The following PDE4D variants were observed in gnomAD, a reference collection of about 807,000 sequenced individuals.
PDE4D encodes 3',5'-cyclic-AMP phosphodiesterase 4D.
A neutral mutation model predicts 87.4 loss-of-function variants in PDE4D; 24 were observed. The observed-to-expected ratio is 0.27, with a 90% confidence interval of 0.20 to 0.39. The LOEUF (loss-of-function observed/expected upper bound fraction) is 0.39. Ranked by LOEUF, PDE4D falls within the 10% of genes least tolerant of loss-of-function variation. PDE4D has a pLI of 1.00. For missense variants in PDE4D, 714 were observed against 1,041.0 expected, an observed-to-expected ratio of 0.69 and a Z score of 4.32; for synonymous variants, 384 against 383.2, an observed-to-expected ratio of 1.00 and a Z score of -0.02.
intron 1 of PDE4D, among the ~76,000 whole-genome samples, chr5:59,339,528 C>T (rs141957561): frequency 2.8e-4 from 42 of 152,220 alleles, no homozygotes; most frequent in African/African-American, 9.4e-4. Context: ...ATTCTCAGTG[C>T]CTTTAATATG....
chr5:59,886,737 C>A (rs1750214943), intron 1 of PDE4D, among the ~76,000 whole-genome samples: 1 of 151,836 alleles, frequency 6.6e-6, no homozygotes, highest in African/African-American at 2.4e-5. Context: ...CAGACCACGG[C>A]CAGAATTTAA....
intron 1 of PDE4D, among the ~76,000 whole-genome samples, chr5:59,887,720 AGTGTGTGTGTGTGTGTGTTT>A (rs1359796574): frequency 1.3e-5 from 2 of 150,772 alleles, no homozygotes; most frequent in Non-Finnish European, 3.0e-5. Flanking sequence ...GCAAGCCATC[AGTGTGTGTGTGTGTGTGTTT>A]GTGTGTGTGT....
chr5:60,512,142 A>G (rs1420258315), intron 1 of PDE4D, among the ~76,000 whole-genome samples: 2 of 152,226 alleles, frequency 1.3e-5, no homozygotes, highest in African/African-American at 4.8e-5. Context: ...ACAAATGAGA[A>G]AGATATAAAA....
intron 1 of PDE4D, among the ~76,000 whole-genome samples, chr5:59,834,702 G>GA: frequency 6.6e-6 from 1 of 152,020 alleles, no homozygotes. Context: ...TAAGGCTTGT[G>GA]AAAATCAAAT....
intron 1 of PDE4D, among the ~76,000 whole-genome samples, chr5:59,634,669 A>C (rs1010560097): frequency 6.6e-6 from 1 of 152,234 alleles, no homozygotes; most frequent in Admixed American, 6.5e-5. Context: ...GCAGAAATAA[A>C]TAAGTTCTTT....
intron 2 of PDE4D, among the ~76,000 whole-genome samples, chr5:60,019,535 T>C (rs1488653724): frequency 6.6e-6 from 1 of 152,230 alleles, no homozygotes; most frequent in Non-Finnish European, 1.5e-5. Flanking sequence ...CTGGGTAACT[T>C]GATGCAGCTT....
At chr5:60,363,188 GA>G (rs1760226521) in intron 1 of PDE4D, among the ~76,000 whole-genome samples, 1 of 152,166 alleles carries the variant, frequency 6.6e-6, no homozygotes, top group South Asian at 2.1e-4. Context: ...GTAAAGCTTT[GA>G]GTGTGTATGA....
intron 1 of PDE4D, among the ~76,000 whole-genome samples, chr5:59,719,921 T>A (rs1755586076): frequency 6.6e-6 from 1 of 152,192 alleles, no homozygotes; most frequent in African/African-American, 2.4e-5. Context: ...ATTCAAACTC[T>A]GCTATTTCTC....
At chr5:60,229,677 T>C (rs972676861) in intron 1 of PDE4D, among the ~76,000 whole-genome samples, 3 of 152,114 alleles carry the variant, frequency 2.0e-5, no homozygotes, top group Admixed American at 1.3e-4. Flanking sequence ...ACAACTGATA[T>C]GTTCATGTCC....
intron 1 of PDE4D, among the ~76,000 whole-genome samples, chr5:59,432,833 A>G (rs1796298009): frequency 6.6e-6 from 1 of 152,186 alleles, no homozygotes; most frequent in Admixed American, 6.6e-5. Flanking sequence ...AGAACACTCA[A>G]TGCAAAGTTA....
intron 1 of PDE4D, among the ~76,000 whole-genome samples, chr5:59,244,543 CACACATATATGTATACGTGT>C (rs1415336099): frequency 6.7e-6 from 1 of 149,158 alleles, no homozygotes; most frequent in Non-Finnish European, 1.5e-5. Flanking sequence ...TCTCTATATA[CACACATATATGTATACGTGT>C]ACACACATAT....
chr5:59,237,666 T>C (rs1012233823), intron 1 of PDE4D, among the ~76,000 whole-genome samples: 1 of 152,194 alleles, frequency 6.6e-6, no homozygotes, highest in Non-Finnish European at 1.5e-5. Context: ...CTCTGGTCTA[T>C]GCTTGCATCT....
At chr5:60,024,722 G>A (rs1404631451) in intron 2 of PDE4D, among the ~76,000 whole-genome samples, 1 of 152,112 alleles carries the variant, frequency 6.6e-6, no homozygotes, top group African/African-American at 2.4e-5. Context: ...AATCACGGTG[G>A]AGATACAAAA....
Position 60,486,820 on chromosome 5 carries a change from A to G in PDE4D, c.-90+1122T>C, listed in dbSNP as rs1159896330. 3.9e-5 allele frequency among the ~76,000 whole-genome samples: 6 copies of G among 152,236 alleles called. No individual in the cohort carries two copies. The East Asian group carries it at 1.2e-3, about 29-fold the overall frequency. On this transcript the variant is annotated intron_variant, in intron 1 of 16. Transcript: ENST00000502484. The stretch of plus-strand genomic sequence containing the variant: ...ACATAGCACAAATACATACATTTGT[A>G]TCTACAGGTCTAAAGAGGAAAAATT...
chr5:60,454,814 A>T (rs1255993095), intron 1 of PDE4D, among the ~76,000 whole-genome samples: 1 of 152,132 alleles, frequency 6.6e-6, no homozygotes, highest in African/African-American at 2.4e-5. Flanking sequence ...AGTAAAATAA[A>T]ATTTAAAAAT....
chr5:60,319,488 C>G (rs572225324), intron 1 of PDE4D, among the ~76,000 whole-genome samples: 1 of 152,346 alleles, frequency 6.6e-6, no homozygotes, highest in South Asian at 2.1e-4. Context: ...CTCAACTCGT[C>G]AAAGTCATTC....
chr5:59,633,234 C>T (rs1254691117), intron 1 of PDE4D, among the ~76,000 whole-genome samples: 1 of 152,018 alleles, frequency 6.6e-6, no homozygotes, highest in African/African-American at 2.4e-5. Flanking sequence ...AAATATGGGA[C>T]TATGTAAAAA....
At chr5:60,123,870 A>G (rs1385149279) in intron 2 of PDE4D, among the ~76,000 whole-genome samples, 1 of 152,214 alleles carries the variant, frequency 6.6e-6, no homozygotes, top group African/African-American at 2.4e-5. Context: ...CAAAAGCACT[A>G]TAAAATTCCA....
chr5:59,949,812 T>C (rs1461299595), intron 3 of PDE4D, among the ~76,000 whole-genome samples: 1 of 152,204 alleles, frequency 6.6e-6, no homozygotes, highest in Non-Finnish European at 1.5e-5. Flanking sequence ...TATGTTATCT[T>C]TCCGGTTTTC....
Sources: allele counts gnomAD v4.1 joint callset (sites outside exome capture counted in the v4.1 genomes callset), GRCh38; gene constraint gnomAD v4.1.1; transcripts MANE v1.5; gene names NCBI Gene and HGNC (gene_info 2026-07-23, HGNC 2026-07-21).